Variants in FRK observed in about 807,000 individuals in gnomAD.
FRK encodes the protein tyrosine-protein kinase FRK.
In FRK, 51 loss-of-function variants were observed where a neutral mutation model predicts 56.4. That is an observed-to-expected ratio of 0.90 (90% CI 0.72 to 1.14). FRK has a LOEUF of 1.14. Among genes scored for constraint, FRK ranks in the 50% most tolerant of loss-of-function variants. FRK has a pLI of 0.00. For missense variants in FRK, 570 were observed against 601.4 expected (o/e 0.95, Z 0.55); for synonymous variants, 245 against 217.9 (o/e 1.12, Z -1.10).
At chr6:115,987,597 CA>C (rs1454746505) in intron 2 of FRK, among the ~76,000 whole-genome samples, 8 of 152,174 alleles carry the variant, frequency 5.3e-5, no homozygotes, top group African/African-American at 1.7e-4. Context: ...CAGAGTAACA[CA>C]ACAAATTAAT....
intron 2 of FRK, among the ~76,000 whole-genome samples, chr6:115,995,827 T>C (rs912473437): frequency 9.2e-5 from 14 of 152,152 alleles, no homozygotes; most frequent in Non-Finnish European, 2.9e-5. Flanking sequence ...ATTTGAAATA[T>C]AACTTATCAT....
At chr6:116,007,452 C>T (rs542449580) in intron 1 of FRK, among the ~76,000 whole-genome samples, 1 of 152,248 alleles carries the variant, frequency 6.6e-6, no homozygotes, top group East Asian at 1.9e-4. Flanking sequence ...ACTTCTATTT[C>T]GCATGCCACA....
intron 1 of FRK, 96 bp from the exon 2 acceptor site, chr6:116,004,094 G>A: frequency 9.0e-7 from 1 of 1,109,162 alleles, no homozygotes; most frequent in Non-Finnish European, 1.3e-6. Context: ...TATCAAAAAT[G>A]TTTGGTATTC....
chr6:116,073,055 A>C, the FRK span, among the ~76,000 whole-genome samples: 3 of 152,270 alleles, frequency 2.0e-5, no homozygotes, highest in East Asian at 5.8e-4. Context: ...GCACCAGAAG[A>C]ATGTATCAAT....
chr6:116,091,429 T>A, the FRK span, among the ~76,000 whole-genome samples: 27,150 of 152,076 alleles, frequency 0.18, 2,906 homozygotes, highest in African/African-American at 0.29. Context: ...CTCTTCACAA[T>A]AAATCTTGCT....
At chr6:116,100,581 C>A in the FRK span, among the ~76,000 whole-genome samples, 1 of 152,166 alleles carries the variant, frequency 6.6e-6, no homozygotes, top group Non-Finnish European at 1.5e-5. Context: ...TACGTGCCTA[C>A]AGGTCTCAGC....
At chr6:116,074,219 G>C in the FRK span, among the ~76,000 whole-genome samples, 1 of 152,186 alleles carries the variant, frequency 6.6e-6, no homozygotes, top group African/African-American at 2.4e-5. Flanking sequence ...GAGACTGGGG[G>C]TGACTCATCT....
chr6:115,960,569 T>C (rs941759744), intron 4 of FRK, among the ~76,000 whole-genome samples: 1 of 138,520 alleles, frequency 7.2e-6, no homozygotes, highest in Non-Finnish European at 1.6e-5. Flanking sequence ...TGCCTGCCTC[T>C]GTAGGCTCCA....
intron 2 of FRK, among the ~76,000 whole-genome samples, chr6:115,984,566 T>A (rs1172863493): frequency 2.6e-5 from 4 of 152,022 alleles, no homozygotes; most frequent in Non-Finnish European, 5.9e-5. Flanking sequence ...GATGGATATG[T>A]AGATAAACAA....
chr6:116,020,328 G>C (rs764829439), intron 1 of FRK, among the ~76,000 whole-genome samples: 102 of 151,604 alleles, frequency 6.7e-4, no homozygotes, highest in Non-Finnish European at 1.3e-3. Context: ...GTTTTGCTCG[G>C]ACGCCCAGGC....
At chr6:116,035,896 A>T (rs1776464335) in intron 1 of FRK, among the ~76,000 whole-genome samples, 1 of 152,040 alleles carries the variant, frequency 6.6e-6, no homozygotes, top group Admixed American at 6.6e-5. Context: ...CTTTCCTTTT[A>T]TAATAGAAAT....
At chr6:116,039,767 G>T (rs1776641034) in intron 1 of FRK, among the ~76,000 whole-genome samples, 1 of 152,010 alleles carries the variant, frequency 6.6e-6, no homozygotes, top group African/African-American at 2.4e-5. Context: ...AGGATTTGCT[G>T]CTGGGTCCCC....
chr6:116,019,794 C>A lies in FRK; in HGVS notation c.345-15796G>T, dbSNP rs529941034. 1.2e-4 allele frequency among the ~76,000 whole-genome samples: 18 copies of A among 152,262 alleles called. No individual in the cohort carries two copies. The South Asian group carries it at 3.7e-3, about 32-fold the overall frequency. ...ATGGACTTGTCCTCAAATAATAATACCACTCTACAGAGTGGGTCAGAAATA... is the reference window on the plus strand; with the variant it reads ...ATGGACTTGTCCTCAAATAATAATAACACTCTACAGAGTGGGTCAGAAATA... On this transcript the variant is annotated intron_variant, in intron 1 of 7. Coordinates refer to ENST00000606080, the MANE Select transcript of FRK (RefSeq NM_002031.3).
chr6:116,050,312 A>C (rs888066505), intron 1 of FRK, among the ~76,000 whole-genome samples: 4 of 152,174 alleles, frequency 2.6e-5, no homozygotes, highest in African/African-American at 9.7e-5. Context: ...AAAATGACCA[A>C]ACATCTACTT....
intron 1 of FRK, among the ~76,000 whole-genome samples, chr6:116,014,869 G>C (rs1775593290): frequency 6.6e-6 from 1 of 152,190 alleles, no homozygotes; most frequent in South Asian, 2.1e-4. Context: ...CCAAACTTTA[G>C]AGGTGAAAAG....
At chr6:115,980,894 G>A (rs1774175021) in intron 2 of FRK, among the ~76,000 whole-genome samples, 2 of 152,004 alleles carry the variant, frequency 1.3e-5, no homozygotes, top group African/African-American at 2.4e-5. Context: ...TCTAAACTGT[G>A]ATAATTATCT....
chr6:116,000,772 A>T (rs1429271614), intron 2 of FRK, among the ~76,000 whole-genome samples: 3 of 152,220 alleles, frequency 2.0e-5, no homozygotes, highest in Non-Finnish European at 4.4e-5. Flanking sequence ...TCAACTATTT[A>T]TCTGTAAGGA....
At chr6:115,987,733 A>C (rs1172019650) in intron 2 of FRK, among the ~76,000 whole-genome samples, 1 of 152,094 alleles carries the variant, frequency 6.6e-6, no homozygotes, top group Admixed American at 6.6e-5. Context: ...CTGAATACTT[A>C]CTGGCACTTA....
chr6:116,034,691 T>C (rs985048999), intron 1 of FRK, among the ~76,000 whole-genome samples: 4 of 152,074 alleles, frequency 2.6e-5, no homozygotes, highest in African/African-American at 7.2e-5. Flanking sequence ...CCACAAGACA[T>C]ACCCACAAAA....
Sources: allele counts gnomAD v4.1 joint callset (sites outside exome capture counted in the v4.1 genomes callset), GRCh38; gene constraint gnomAD v4.1.1; transcripts MANE v1.5; gene names NCBI Gene and HGNC (gene_info 2026-07-23, HGNC 2026-07-21).